Variants in TSPAN11 observed in about 807,000 individuals in gnomAD.
TSPAN11 encodes tetraspanin-11.
TSPAN11 carries 29 observed loss-of-function variants against 32.9 expected under a neutral mutation model. The observed-to-expected ratio is 0.88, with a 90% CI of 0.66 to 1.20. TSPAN11 has a LOEUF of 1.20. Among genes scored for constraint, TSPAN11 ranks in the 50% most tolerant of loss-of-function variants. TSPAN11 has a pLI of 0.00. For missense variants in TSPAN11, 283 were observed against 329.1 expected (o/e 0.86, Z 1.08); for synonymous variants, 140 against 141.3 (o/e 0.99, Z 0.07).
At chr12:30,959,739 C>T (rs1938571178) in intron 2 of TSPAN11, among the ~76,000 whole-genome samples, 1 of 146,876 alleles carries the variant, frequency 6.8e-6, no homozygotes, top group African/African-American at 2.5e-5. Flanking sequence ...GAGATCACGC[C>T]ACTGTGCTCC....
At chr12:30,982,721 G>A (rs1027513164) in intron 6 of TSPAN11, 31 bp downstream of exon 6, 1 of 1,530,782 alleles carries the variant, frequency 6.5e-7, no homozygotes, top group African/African-American at 1.4e-5. Context: ...TGGGGGTGAG[G>A]AGAGGGCCCT....
At chr12:30,941,620 G>C (rs1264990053) in intron 1 of TSPAN11, among the ~76,000 whole-genome samples, 1 of 152,218 alleles carries the variant, frequency 6.6e-6, no homozygotes, top group African/African-American at 2.4e-5. Context: ...TTACAATAGT[G>C]TTTGGGGGCC....
chr12:30,949,984 T>C (rs1318661606), intron 1 of TSPAN11, among the ~76,000 whole-genome samples: 2 of 152,098 alleles, frequency 1.3e-5, no homozygotes, highest in Non-Finnish European at 2.9e-5. Context: ...GCTCTCTTTT[T>C]AGACAGCAGG....
intron 1 of TSPAN11, among the ~76,000 whole-genome samples, chr12:30,941,471 T>TGGG (rs769094889): frequency 2.0e-5 from 3 of 152,180 alleles, no homozygotes; most frequent in Non-Finnish European, 4.4e-5. Context: ...CAGGCCACAT[T>TGGG]TTTACCCAAC....
At chr12:31,008,017 G>A in the TSPAN11 span, among the ~76,000 whole-genome samples, 59 of 152,292 alleles carry the variant, frequency 3.9e-4, no homozygotes, top group Non-Finnish European at 6.0e-4. Context: ...CAGAAGGGCC[G>A]CAGCTCCCTG....
chr12:31,000,465 G>A (rs906015265), downstream of TSPAN11, among the ~76,000 whole-genome samples: 34 of 152,330 alleles, frequency 2.2e-4, no homozygotes, highest in African/African-American at 7.7e-4. Context: ...CAAGCTGGAC[G>A]CCTCTATACG....
downstream of TSPAN11, chr12:30,999,443 T>C (rs147010289): frequency 6.6e-6 from 1 of 152,360 alleles, no homozygotes; most frequent in African/African-American, 2.4e-5. Context: ...ACATCATAGC[T>C]TAGCCTGGCC....
At chr12:30,979,309 C>A (rs1252224526) in intron 4 of TSPAN11, among the ~76,000 whole-genome samples, 1 of 152,234 alleles carries the variant, frequency 6.6e-6, no homozygotes, top group Non-Finnish European at 1.5e-5. Flanking sequence ...CCTGAGCCAT[C>A]TCCCCAGCCT....
chr12:31,001,280 A>G (rs1228541447), downstream of TSPAN11, among the ~76,000 whole-genome samples: 1 of 152,182 alleles, frequency 6.6e-6, no homozygotes, highest in Non-Finnish European at 1.5e-5. Context: ...ATGTCCATCC[A>G]CAGGACACAT....
chr12:30,991,878 G>A lies in TSPAN11; in HGVS notation c.725G>A (p.Cys242Tyr), dbSNP rs1219695482. Reference sequence around the variant, plus strand: ...CAGATCTGCGGGATGGTTCTCACCTGCTGCTTGCACCAGAGGCTCCAGCGG... The same window carrying A: ...CAGATCTGCGGGATGGTTCTCACCTACTGCTTGCACCAGAGGCTCCAGCGG... Reference protein sequence around the residue: ...CLQICGMVLTCCLHQRLQRHF... With the variant: ...CLQICGMVLTYCLHQRLQRHF... Residue 242 changes from cysteine to tyrosine, a missense_variant, in exon 8 of 8, where the codon TGC becomes TAC. Transcript: ENST00000546076. The A allele has an allele frequency of 1.9e-6, 3 of 1,614,034 alleles. No individual in the cohort carries two copies. Among genetic ancestry groups the A allele is most frequent in the Non-Finnish European group, 2.5e-6 (3 of 1,180,024 alleles).
intron 1 of TSPAN11, among the ~76,000 whole-genome samples, chr12:30,943,096 A>G (rs933720027): frequency 1.3e-5 from 2 of 152,190 alleles, no homozygotes; most frequent in African/African-American, 2.4e-5. Flanking sequence ...CTTTGCAGTG[A>G]CGGCCGTCAT....
intron 1 of TSPAN11, among the ~76,000 whole-genome samples, chr12:30,952,207 G>A (rs530325642): frequency 3.6e-4 from 55 of 152,182 alleles, no homozygotes; most frequent in Non-Finnish European, 3.5e-4. Context: ...CTGCCTGGGA[G>A]GGGAGGGAGA....
chr12:30,954,108 C>A, intron 2 of TSPAN11, 33 bp downstream of exon 2: 1 of 1,536,094 alleles, frequency 6.5e-7, no homozygotes, highest in South Asian at 1.1e-5. Context: ...TCCTCTTCCC[C>A]GAGCACTGAA....
At chr12:30,982,225 G>C (rs1354089259) in intron 5 of TSPAN11, among the ~76,000 whole-genome samples, 1 of 152,088 alleles carries the variant, frequency 6.6e-6, no homozygotes, top group Admixed American at 6.5e-5. Flanking sequence ...CACTCTCTGG[G>C]GACCCACCTC....
At chr12:30,957,693 C>A (rs1306444770) in intron 2 of TSPAN11, among the ~76,000 whole-genome samples, 1 of 74,806 alleles carries the variant, frequency 1.3e-5, no homozygotes, top group Non-Finnish European at 2.3e-5. Flanking sequence ...TCCTGCCTCC[C>A]TCCCTCCCTC....
chr12:30,980,845 C>T (rs1485590040), intron 5 of TSPAN11, among the ~76,000 whole-genome samples: 2 of 152,212 alleles, frequency 1.3e-5, no homozygotes, highest in Non-Finnish European at 2.9e-5. Context: ...CTGGCCAGCC[C>T]TGTGCAAAAC....
At chr12:31,008,950 A>G in the TSPAN11 span, among the ~76,000 whole-genome samples, 2 of 152,164 alleles carry the variant, frequency 1.3e-5, no homozygotes, top group Non-Finnish European at 2.9e-5. Context: ...TGAGGTGGGT[A>G]AGCCAAGGGT....
chr12:30,979,445 T>C (rs1194937025), intron 4 of TSPAN11, 121 bp from the exon 5 acceptor site: 6 of 877,000 alleles, frequency 6.8e-6, no homozygotes, highest in Non-Finnish European at 1.1e-5. Context: ...AACCTCCGCA[T>C]CACACCATCC....
At chr12:30,959,672 C>T (rs995570952) in intron 2 of TSPAN11, among the ~76,000 whole-genome samples, 3 of 151,176 alleles carry the variant, frequency 2.0e-5, no homozygotes, top group Non-Finnish European at 2.9e-5. Context: ...CCTAGCTACT[C>T]AGGAGACTGA....
Sources: allele counts gnomAD v4.1 joint callset (sites outside exome capture counted in the v4.1 genomes callset), GRCh38; gene constraint gnomAD v4.1.1; transcripts MANE v1.5; gene names NCBI Gene and HGNC (gene_info 2026-07-23, HGNC 2026-07-21).